STAG1: variants seen among roughly 807,000 people sequenced by gnomAD.
STAG1 encodes cohesin subunit SA-1.
STAG1 carries 26 observed loss-of-function variants against 170.9 expected under a neutral mutation model. The ratio of observed to expected loss-of-function variants is 0.15; its 90% CI spans 0.11 to 0.21. The LOEUF is 0.21. Ranked by LOEUF, STAG1 falls within the 10% of genes least tolerant of loss-of-function variation. The probability of loss-of-function intolerance (pLI) is 1.00; values close to 1 mark genes in which losing one functional copy is unlikely to be tolerated. For missense variants in STAG1, 964 were observed against 1,509.5 expected (o/e 0.64, Z 5.99); for synonymous variants, 514 against 497.7 (o/e 1.03, Z -0.44).
chr3:136,580,832 C>T (rs1244987568), intron 4 of STAG1, among the ~76,000 whole-genome samples: 7 of 152,210 alleles, frequency 4.6e-5, no homozygotes, highest in African/African-American at 1.7e-4. Flanking sequence ...CGCACCCGGC[C>T]TCTTGTATAA....
chr3:136,348,387 A>C (rs1460013470), intron 29 of STAG1, among the ~76,000 whole-genome samples: 1 of 152,006 alleles, frequency 6.6e-6, no homozygotes, highest in Non-Finnish European at 1.5e-5. Context: ...GAGGGTTATA[A>C]AACCAGATTT....
At chr3:136,709,865 T>C (rs1309628354) in intron 1 of STAG1, among the ~76,000 whole-genome samples, 1 of 150,726 alleles carries the variant, frequency 6.6e-6, no homozygotes, top group African/African-American at 2.4e-5. Flanking sequence ...TGAAACCTCA[T>C]CTCCACTAAA....
At chr3:136,436,187 C>T (rs1043882246) in intron 15 of STAG1, among the ~76,000 whole-genome samples, 2 of 152,070 alleles carry the variant, frequency 1.3e-5, no homozygotes, top group African/African-American at 4.8e-5. Context: ...AACTCCTGAC[C>T]TCAAGTGATC....
chr3:136,673,700 T>G (rs1466333316), intron 1 of STAG1, among the ~76,000 whole-genome samples: 1 of 152,206 alleles, frequency 6.6e-6, no homozygotes, highest in Non-Finnish European at 1.5e-5. Flanking sequence ...ATAATGCTTT[T>G]GTCTCCAACT....
At chr3:136,380,440 C>T (rs1180576542) in intron 22 of STAG1, among the ~76,000 whole-genome samples, 3 of 151,886 alleles carry the variant, frequency 2.0e-5, no homozygotes, top group African/African-American at 4.8e-5. Context: ...CGGGTTTTCA[C>T]CATGTTGGCC....
intron 28 of STAG1, among the ~76,000 whole-genome samples, chr3:136,355,366 A>G (rs1443041515): frequency 6.7e-6 from 1 of 149,866 alleles, no homozygotes; most frequent in Non-Finnish European, 1.5e-5. Flanking sequence ...AAAAAAAAAA[A>G]AAAAAAAAAA....
intron 9 of STAG1, among the ~76,000 whole-genome samples, chr3:136,484,231 T>C (rs2089952126): frequency 6.6e-6 from 1 of 152,136 alleles, no homozygotes; most frequent in Non-Finnish European, 1.5e-5. Context: ...TGGTCTTTGA[T>C]GATGGTGATG....
chr3:136,641,657 C>T (rs1370656882), intron 1 of STAG1, among the ~76,000 whole-genome samples: 4 of 152,166 alleles, frequency 2.6e-5, no homozygotes, highest in African/African-American at 7.2e-5. Context: ...AAGGAACTGT[C>T]CCTGATTACA....
rs1211934573 is a variant in STAG1 at position 136,494,602 on chromosome 3, C to G, written c.902+5621G>C. The stretch of plus-strand genomic sequence containing the variant: ...ATACCATAACCATGTGGAATTTCTC[C>G]CAGAATGCAAGGTTGGTATAATATC... On this transcript the variant is annotated intron_variant, in intron 9 of 33. Coordinates refer to ENST00000383202, the MANE Select transcript of STAG1 (RefSeq NM_005862.3). 7.2e-5 allele frequency among the ~76,000 whole-genome samples: 11 copies of G among 152,140 alleles called. No individual in the cohort carries two copies. The East Asian group carries it at 2.1e-3, about 29-fold the overall frequency.
intron 1 of STAG1, among the ~76,000 whole-genome samples, chr3:136,690,803 C>T (rs1490887266): frequency 1.3e-5 from 2 of 151,790 alleles, no homozygotes; most frequent in Middle Eastern, 3.4e-3. Flanking sequence ...AGCTTTGATA[C>T]TATGGGAAAC....
At chr3:136,615,497 G>T (rs1264509227) in intron 3 of STAG1, among the ~76,000 whole-genome samples, 1 of 147,164 alleles carries the variant, frequency 6.8e-6, no homozygotes, top group Non-Finnish European at 1.5e-5. Context: ...AAACATATTC[G>T]TGGCCGGTCG....
intron 7 of STAG1, among the ~76,000 whole-genome samples, chr3:136,513,331 TG>T (rs1934174855): frequency 6.6e-6 from 1 of 151,578 alleles, no homozygotes. Context: ...TACTCCAGTC[TG>T]GGTGACAGAG....
rs1941696165 is a variant in STAG1 at position 136,664,749 on chromosome 3, G to A, written c.-83-33768C>T. Among the ~76,000 whole-genome samples, 5 of 152,080 alleles carry A rather than the reference G, an allele frequency of 3.3e-5. No homozygotes were observed. In the South Asian group the frequency reaches 1.0e-3, roughly 31 times the overall value. On this transcript the variant is annotated intron_variant, in intron 1 of 33. Coordinates refer to ENST00000383202, the MANE Select transcript of STAG1 (RefSeq NM_005862.3). ...GAGAAGGCATTAAAGACTACCACAT[G>A]CCACAGCCAAGAGAAAGACCTGTGG...
At chr3:136,573,170 C>G (rs955672403) in intron 4 of STAG1, among the ~76,000 whole-genome samples, 1 of 149,754 alleles carries the variant, frequency 6.7e-6, no homozygotes, top group Non-Finnish European at 1.5e-5. Context: ...AGAGCAAGAC[C>G]TTATCTTTAA....
At chr3:136,576,164 A>G (rs1286690817) in intron 4 of STAG1, among the ~76,000 whole-genome samples, 4 of 152,260 alleles carry the variant, frequency 2.6e-5, no homozygotes, top group Admixed American at 6.5e-5. Flanking sequence ...AAATGTAACT[A>G]GTAATACAAA....
chr3:136,565,249 C>T (rs917250848), intron 5 of STAG1, among the ~76,000 whole-genome samples: 3 of 152,088 alleles, frequency 2.0e-5, no homozygotes, highest in African/African-American at 7.2e-5. Flanking sequence ...GTTAAAAAGA[C>T]AACCTAGAGA....
At chr3:136,703,066 CAAA>C (rs1157305676) in intron 1 of STAG1, among the ~76,000 whole-genome samples, 2 of 75,732 alleles carry the variant, frequency 2.6e-5, no homozygotes, top group African/African-American at 9.3e-5. Flanking sequence ...GACTCCATCT[CAAA>C]AAAAAAAAAA....
At chr3:136,463,892 T>A (rs1460204928) in intron 13 of STAG1, among the ~76,000 whole-genome samples, 7 of 147,244 alleles carry the variant, frequency 4.8e-5, no homozygotes, top group African/African-American at 1.7e-4. Flanking sequence ...TATACTTATA[T>A]ATACATATAT....
chr3:136,472,445 C>T lies in STAG1; in HGVS notation c.1173G>A (p.Val391=). 1 of 1,612,490 alleles carries T rather than the reference C, an allele frequency of 6.2e-7. No homozygotes were observed. Among genetic ancestry groups the T allele is most frequent in the Non-Finnish European group, 8.5e-7 (1 of 1,179,234 alleles). Residue 391 remains valine (V), a synonymous_variant, in exon 12 of 34, where the codon GTG becomes GTA. Transcript: ENST00000383202. ...MTLDKEYDVA[V]EAIRLVTLIL... ...TCAGAGTAACCAATCGAATAGCTTC[C>T]ACAGCAACATCATATTCTTTATCAA... is the stretch of plus-strand genomic sequence containing the variant.
Sources: gnomAD v4.1 joint callset for allele counts (sites outside exome capture counted in the v4.1 genomes callset) on GRCh38, gnomAD v4.1.1 for gene constraint, MANE v1.5 for transcripts, NCBI Gene and HGNC (gene_info 2026-07-23, HGNC 2026-07-21) for gene names.